GNG4: variants seen among roughly 807,000 people sequenced by gnomAD.
GNG4 encodes guanine nucleotide-binding protein G(I)/G(S)/G(O) subunit gamma-4.
GNG4 carries 4 observed loss-of-function variants against 5.8 expected under a neutral mutation model. The ratio of observed to expected loss-of-function variants is 0.69; its 90% confidence interval spans 0.34 to 1.57. The LOEUF (loss-of-function observed/expected upper bound fraction) is 1.57. Among genes scored for constraint, GNG4 ranks in the 40% most tolerant of loss-of-function variants. GNG4 has a pLI of 0.06. For synonymous variants in GNG4, 29 were observed against 32.9 expected, an observed-to-expected ratio of 0.88 and a Z score of 0.41; for missense variants, 96 against 95.1, an observed-to-expected ratio of 1.01 and a Z score of -0.04.
chr1:235,554,137 C>T (rs772613340), intron 3 of GNG4, among the ~76,000 whole-genome samples: 9 of 152,274 alleles, frequency 5.9e-5, no homozygotes, highest in African/African-American at 1.9e-4. Context: ...CACAGGGCTG[C>T]GATGGACACA....
chr1:235,617,889 T>TAAAAA (rs34128028), intron 1 of GNG4, among the ~76,000 whole-genome samples: 1 of 109,704 alleles, frequency 9.1e-6, no homozygotes. Context: ...TGCCTCTATC[T>TAAAAA]AAAAAAAAAA....
intron 1 of GNG4, among the ~76,000 whole-genome samples, chr1:235,599,559 G>T (rs1688207644): frequency 6.6e-6 from 1 of 152,028 alleles, no homozygotes; most frequent in African/African-American, 2.4e-5. Context: ...CAAGTGATCC[G>T]CCCACCTTGG....
intron 1 of GNG4, among the ~76,000 whole-genome samples, chr1:235,637,708 C>T (rs1045645459): frequency 6.7e-6 from 1 of 149,678 alleles, no homozygotes; most frequent in African/African-American, 2.5e-5. Context: ...GAGGTGGAAA[C>T]AGATGTTTGA....
At chr1:235,587,733 G>C (rs1275144566) in intron 2 of GNG4, among the ~76,000 whole-genome samples, 1 of 142,590 alleles carries the variant, frequency 7.0e-6, no homozygotes, top group Admixed American at 7.0e-5. Context: ...TGTGGGTCAG[G>C]GTTCAGGGTG....
chr1:235,632,325 G>C (rs758918372), intron 1 of GNG4, among the ~76,000 whole-genome samples: 5 of 152,006 alleles, frequency 3.3e-5, no homozygotes, highest in Non-Finnish European at 7.4e-5. Context: ...GGGCTCAAGC[G>C]ATCTTCCCAC....
chr1:235,573,288 C>T (rs1241364606), intron 3 of GNG4, among the ~76,000 whole-genome samples: 1 of 135,814 alleles, frequency 7.4e-6, no homozygotes, highest in Non-Finnish European at 1.5e-5. Context: ...ATCGCTTGGG[C>T]ACAGGATAGG....
intron 3 of GNG4, among the ~76,000 whole-genome samples, chr1:235,558,198 C>T (rs1045752922): frequency 3.3e-5 from 5 of 152,066 alleles, no homozygotes; most frequent in Admixed American, 6.5e-5. Context: ...GGGTTGGTTC[C>T]GTGAAACATT....
At chr1:235,602,833 TC>T (rs1467938436) in intron 1 of GNG4, among the ~76,000 whole-genome samples, 1 of 152,120 alleles carries the variant, frequency 6.6e-6, no homozygotes, top group Admixed American at 6.5e-5. Flanking sequence ...GCATTAAGAT[TC>T]CCCCCTTTCA....
chr1:235,617,076 C>T (rs1402031756), intron 1 of GNG4, among the ~76,000 whole-genome samples: 1 of 152,024 alleles, frequency 6.6e-6, no homozygotes, highest in African/African-American at 2.4e-5. Context: ...AATCCTTTAC[C>T]TGACAATGCA....
intron 3 of GNG4, among the ~76,000 whole-genome samples, chr1:235,572,357 G>C (rs888350830): frequency 6.6e-6 from 1 of 151,842 alleles, no homozygotes; most frequent in Non-Finnish European, 1.5e-5. Flanking sequence ...TCGCTACCAC[G>C]CCTGGCTAAT....
intron 1 of GNG4, among the ~76,000 whole-genome samples, chr1:235,598,527 T>G (rs1473193473): frequency 6.6e-6 from 1 of 152,128 alleles, no homozygotes; most frequent in Non-Finnish European, 1.5e-5. Context: ...GAGGATCGCC[T>G]GAGCCTGGAA....
chr1:235,643,542 A>G (rs774488920), intron 1 of GNG4, among the ~76,000 whole-genome samples: 4 of 152,186 alleles, frequency 2.6e-5, no homozygotes, highest in Non-Finnish European at 1.5e-5. Flanking sequence ...TCTGATGCAT[A>G]TATTTATTGC....
At chr1:235,578,082 T>C (rs1028700978) in intron 3 of GNG4, among the ~76,000 whole-genome samples, 1 of 152,078 alleles carries the variant, frequency 6.6e-6, no homozygotes, top group Non-Finnish European at 1.5e-5. Context: ...CACATAGATT[T>C]TTCTGCAAAG....
chr1:235,553,054 C>T (rs1402706489), intron 3 of GNG4, among the ~76,000 whole-genome samples: 4 of 87,872 alleles, frequency 4.6e-5, no homozygotes, highest in Admixed American at 1.2e-4. Context: ...CCACCGTGCC[C>T]AGCCAGCACA....
In GNG4 at chr1:235,550,894, C is replaced by G. The variant is rs1686727496; in HGVS notation, c.*1215G>C. 1 of 152,244 alleles carries G rather than the reference C, an allele frequency of 6.6e-6. No individual in the cohort carries two copies. Among genetic ancestry groups the G allele is most frequent in the South Asian group, 2.1e-4 (1 of 4,824 alleles). 9.4% of individuals were successfully genotyped at this position (152,244 alleles called of 1,614,324 possible). On this transcript the variant is annotated 3_prime_UTR_variant, in exon 4 of 4. Transcript: ENST00000391854. Reference sequence around the variant, plus strand: ...TTAATGCACACCAATGCTCAGATGACTTGGGGGCACATAGGGGACTGCTGT... The same window carrying G: ...TTAATGCACACCAATGCTCAGATGAGTTGGGGGCACATAGGGGACTGCTGT...
chr1:235,602,724 C>T (rs1270217526), intron 1 of GNG4, among the ~76,000 whole-genome samples: 2 of 152,174 alleles, frequency 1.3e-5, no homozygotes, highest in African/African-American at 2.4e-5. Context: ...TTTCTAGGGT[C>T]TAACATTTTA....
intron 3 of GNG4, among the ~76,000 whole-genome samples, chr1:235,563,486 T>C (rs1487326586): frequency 6.8e-6 from 1 of 148,106 alleles, no homozygotes; most frequent in Non-Finnish European, 1.5e-5. Flanking sequence ...ATTTCAGAAA[T>C]GAAGTTATAT....
At chr1:235,591,853 C>T (rs961320813) in intron 2 of GNG4, among the ~76,000 whole-genome samples, 3 of 152,186 alleles carry the variant, frequency 2.0e-5, no homozygotes, top group Admixed American at 6.5e-5. Context: ...TAGGTCGCAC[C>T]GGGGGTTTCT....
intron 3 of GNG4, among the ~76,000 whole-genome samples, chr1:235,558,359 G>A (rs1349643928): frequency 3.9e-5 from 6 of 152,270 alleles, no homozygotes; most frequent in East Asian, 1.9e-4. Context: ...TTCACATAGC[G>A]TCCAGAGTCC....
Sources: gnomAD v4.1 joint callset for allele counts (sites outside exome capture counted in the v4.1 genomes callset) on GRCh38, gnomAD v4.1.1 for gene constraint, MANE v1.5 for transcripts, NCBI Gene and HGNC (gene_info 2026-07-23, HGNC 2026-07-21) for gene names.